The following SASH1 variants were observed in gnomAD, a reference collection of about 807,000 sequenced individuals.
The protein encoded by SASH1 is SAM and SH3 domain-containing protein 1.
In SASH1, 44 loss-of-function variants were observed where a neutral mutation model predicts 125.2. The observed-to-expected ratio is 0.35, with a 90% confidence interval of 0.28 to 0.45. SASH1 has a LOEUF of 0.45. SASH1 is among the 20% of genes least tolerant of loss of function. The probability of loss-of-function intolerance (pLI) is 1.00; values close to 1 mark genes in which losing one functional copy is unlikely to be tolerated. For missense variants in SASH1, 1,426 were observed against 1,614.5 expected (o/e 0.88, Z 2.00); for synonymous variants, 639 against 649.1 (o/e 0.98, Z 0.24).
upstream of SASH1, chr6:148,272,216 G>T: frequency 2.8e-6 from 1 of 362,850 alleles, no homozygotes. Flanking sequence ...ATAATCCCTA[G>T]GGCTGTGAGA....
intron 19 of SASH1, among the ~76,000 whole-genome samples, chr6:148,546,357 C>T (rs1583342636): frequency 6.6e-6 from 1 of 152,152 alleles, no homozygotes; most frequent in Non-Finnish European, 1.5e-5. Flanking sequence ...AATCCCAACA[C>T]TGTGAAAAAC....
intron 1 of SASH1, among the ~76,000 whole-genome samples, chr6:148,273,304 T>C (rs1238590763): frequency 1.3e-5 from 2 of 149,902 alleles, no homozygotes; most frequent in African/African-American, 4.9e-5. Context: ...TTCTTTTTTT[T>C]TTTTTTTGAG....
At chr6:148,448,935 C>T (rs1776940922) in intron 4 of SASH1, among the ~76,000 whole-genome samples, 1 of 152,068 alleles carries the variant, frequency 6.6e-6, no homozygotes, top group Non-Finnish European at 1.5e-5. Flanking sequence ...TCATGCTGTC[C>T]TGCTTTTTTT....
intron 1 of SASH1, among the ~76,000 whole-genome samples, chr6:148,296,611 A>G (rs1024781388): frequency 2.6e-5 from 4 of 152,200 alleles, no homozygotes; most frequent in Middle Eastern, 3.2e-3. Context: ...AGAGTGATTG[A>G]CCCAAGGACA....
chr6:148,268,474 A>G (rs547365460), upstream of SASH1, among the ~76,000 whole-genome samples: 5 of 152,356 alleles, frequency 3.3e-5, no homozygotes, highest in Admixed American at 2.6e-4. Flanking sequence ...GAAAAAATGT[A>G]ATCAACTGCT....
chr6:148,390,441 A>G (rs182763580), intron 2 of SASH1, among the ~76,000 whole-genome samples, 179 bp downstream of exon 2: 1 of 152,304 alleles, frequency 6.6e-6, no homozygotes, highest in Non-Finnish European at 1.5e-5. Flanking sequence ...GCAGATATCA[A>G]ACTGAGTGAG....
In SASH1 at chr6:148,440,190, C is replaced by G; in HGVS notation, c.292C>G (p.Pro98Ala). The change falls in exon 3 of 20, where the codon CCC becomes GCC. Residue 98 changes from proline (P) to alanine (A), a missense_variant. Coordinates refer to ENST00000367467, the MANE Select transcript of SASH1 (RefSeq NM_015278.5). Reference protein sequence around the residue: ...RVSQDLEVEKPDASPTSLQLR... With the variant: ...RVSQDLEVEKADASPTSLQLR... ...GGCATCTGTTCTGTTTTAGGAGAAA[C>G]CCGATGCTAGCCCCACGTCACTTCA... 6.2e-7 allele frequency: 1 copy of G among 1,614,014 alleles called. No homozygotes were observed. Among genetic ancestry groups the G allele is most frequent in the East Asian group, 2.2e-5 (1 of 44,884 alleles).
At chr6:148,280,633 C>G (rs913157032) in intron 1 of SASH1, among the ~76,000 whole-genome samples, 2 of 152,028 alleles carry the variant, frequency 1.3e-5, no homozygotes, top group African/African-American at 4.8e-5. Flanking sequence ...AATAGAGAGA[C>G]CCCGTCCCTA....
At chr6:148,287,355 T>C (rs973698528) in intron 1 of SASH1, among the ~76,000 whole-genome samples, 2 of 152,154 alleles carry the variant, frequency 1.3e-5, no homozygotes, top group African/African-American at 4.8e-5. Context: ...ATCGGCATGT[T>C]AACATTTAAT....
intron 1 of SASH1, among the ~76,000 whole-genome samples, chr6:148,374,567 T>C (rs749670223): frequency 2.0e-5 from 3 of 152,240 alleles, no homozygotes; most frequent in Non-Finnish European, 4.4e-5. Flanking sequence ...CAGAAATGAC[T>C]GTCAAGTTTA....
chr6:148,345,172 G>C (rs1781482787), intron 1 of SASH1, among the ~76,000 whole-genome samples: 1 of 152,150 alleles, frequency 6.6e-6, no homozygotes, highest in South Asian at 2.1e-4. Flanking sequence ...GTTGGGCTGG[G>C]GGCGGGGAGG....
intron 7 of SASH1, 103 bp from the exon 8 acceptor site, chr6:148,487,511 G>C: frequency 1.2e-6 from 1 of 807,454 alleles, no homozygotes; most frequent in Non-Finnish European, 2.0e-6. Context: ...ACAAGATTAT[G>C]AACCAGGAAC....
chr6:148,233,895 A>T, the SASH1 span, among the ~76,000 whole-genome samples: 1 of 151,382 alleles, frequency 6.6e-6, no homozygotes, highest in Non-Finnish European at 1.5e-5. Context: ...ACTGGGTGAC[A>T]GAGTGAGACT....
chr6:148,498,234 C>A (rs925432775), intron 8 of SASH1, among the ~76,000 whole-genome samples: 24 of 133,472 alleles, frequency 1.8e-4, no homozygotes, highest in South Asian at 2.3e-4. Flanking sequence ...AACAAACAAA[C>A]AAAAAAAAAA....
intron 4 of SASH1, among the ~76,000 whole-genome samples, chr6:148,466,994 C>G (rs1009481574): frequency 2.6e-5 from 4 of 151,784 alleles, no homozygotes; most frequent in African/African-American, 9.7e-5. Flanking sequence ...TTCTGGTTTC[C>G]CTTGGCTGTA....
At chr6:148,524,459 C>T (rs1322707588) in intron 10 of SASH1, 1 of 152,054 alleles carries the variant, frequency 6.6e-6, no homozygotes, top group Non-Finnish European at 1.5e-5. Flanking sequence ...TCAAGTTCTG[C>T]AAATACAGAA....
At chr6:148,262,255 T>G in the SASH1 span, among the ~76,000 whole-genome samples, 4 of 152,124 alleles carry the variant, frequency 2.6e-5, no homozygotes, top group African/African-American at 9.7e-5. Flanking sequence ...CTGTATAAGA[T>G]ATCAGTTTTC....
chr6:148,243,269 G>A, the SASH1 span, among the ~76,000 whole-genome samples: 1 of 152,030 alleles, frequency 6.6e-6, no homozygotes, highest in South Asian at 2.1e-4. Context: ...TGACCAACAT[G>A]GAGAAACCCC....
the SASH1 span, among the ~76,000 whole-genome samples, chr6:148,249,790 G>A: frequency 1.3e-5 from 2 of 152,204 alleles, no homozygotes. Flanking sequence ...GAGGAAAACA[G>A]ACAAACAGGG....
Sources: gnomAD v4.1 joint callset for allele counts (sites outside exome capture counted in the v4.1 genomes callset) on GRCh38, gnomAD v4.1.1 for gene constraint, MANE v1.5 for transcripts, NCBI Gene and HGNC (gene_info 2026-07-23, HGNC 2026-07-21) for gene names.